The following PCBP3 variants were observed in gnomAD, a reference collection of about 807,000 sequenced individuals.
PCBP3 encodes the protein poly(rC) binding protein 3.
Under a neutral mutation model 52.7 loss-of-function variants are expected in PCBP3, and 25 were observed. The ratio of observed to expected loss-of-function variants is 0.47; its 90% CI spans 0.35 to 0.66. The LOEUF (loss-of-function observed/expected upper bound fraction) is 0.66. PCBP3 is among the 30% of genes least tolerant of loss of function. The probability of loss-of-function intolerance (pLI) is 0.01; values close to 1 mark genes in which losing one functional copy is unlikely to be tolerated. For missense variants in PCBP3, 391 were observed against 490.3 expected, an observed-to-expected ratio of 0.80 and a Z score of 1.91; for synonymous variants, 162 against 183.0, an observed-to-expected ratio of 0.89 and a Z score of 0.93.
chr21:45,769,746 A>G (rs2089698149), intron 4 of PCBP3, among the ~76,000 whole-genome samples: 1 of 152,236 alleles, frequency 6.6e-6, no homozygotes, highest in Non-Finnish European at 1.5e-5. Context: ...TCTCGTAGGC[A>G]GGCCTCTGGA....
Position 45,941,637 on chromosome 21 carries a change from C to T in PCBP3, c.1080-33C>T, listed in dbSNP as rs373692173. 32 of 1,595,012 alleles carry T rather than the reference C, an allele frequency of 2.0e-5. No homozygotes were observed. The African/African-American group carries it at 2.4e-4, about 12-fold the overall frequency. ...CACTGATGAGGGCGTTGGTTGTGAC[C>T]GTCTCTCCCTCTCCTGCCTTTGTCT... is the stretch of plus-strand genomic sequence containing the variant. On this transcript the variant is annotated intron_variant, in intron 17 of 17. Coordinates refer to ENST00000681687, the MANE Select transcript of PCBP3 (RefSeq NM_001384156.1).
intron 5 of PCBP3, among the ~76,000 whole-genome samples, chr21:45,861,359 C>T (rs1194954598): frequency 6.6e-6 from 1 of 152,208 alleles, no homozygotes; most frequent in Admixed American, 6.5e-5. Flanking sequence ...GTGAACACCA[C>T]AGGCCCACCC....
At position 45,800,009 on chromosome 21, in the gene PCBP3, A is replaced by G. The variant is rs1357194525; in HGVS notation, c.-126+44557A>G. ...GACAGCTGTCGGGGAGGGTCCTCTC[A>G]GCTCCCGCGCCCTCTGCCCACAGCT... On this transcript the variant is annotated intron_variant, in intron 4 of 17. Coordinates refer to ENST00000681687, the MANE Select transcript of PCBP3 (RefSeq NM_001384156.1). This position sits in a 1 kb window ranked among gnomAD's most constrained non-coding sequence, Gnocchi z 5.3. Among the ~76,000 whole-genome samples, 1 of 152,020 alleles carries G rather than the reference A, an allele frequency of 6.6e-6. No individual in the cohort carries two copies. The highest frequency in any genetic ancestry group is 2.4e-5 in the African/African-American group (1 of 41,378).
chr21:45,865,631 C>T (rs891451597), intron 5 of PCBP3, among the ~76,000 whole-genome samples: 2 of 152,202 alleles, frequency 1.3e-5, no homozygotes, highest in African/African-American at 4.8e-5. Flanking sequence ...CCTCTGGGTC[C>T]TGACTCATTT....
chr21:45,808,402 A>G (rs183909745), intron 4 of PCBP3, among the ~76,000 whole-genome samples: 26 of 152,388 alleles, frequency 1.7e-4, no homozygotes, highest in Non-Finnish European at 1.0e-4. Flanking sequence ...TCACTTCTCA[A>G]AAGAAGACAT....
At chr21:45,877,676 C>T (rs899271082) in intron 5 of PCBP3, among the ~76,000 whole-genome samples, 1 of 152,154 alleles carries the variant, frequency 6.6e-6, no homozygotes. Flanking sequence ...GTGATGGTGG[C>T]ACGCCTGTAG....
At chr21:45,688,772 G>A (rs1390471835) in intron 2 of PCBP3, among the ~76,000 whole-genome samples, 3 of 151,636 alleles carry the variant, frequency 2.0e-5, no homozygotes, top group Non-Finnish European at 4.4e-5. Context: ...TAGTGAAAAA[G>A]AAGACATCAT....
intron 3 of PCBP3, among the ~76,000 whole-genome samples, chr21:45,739,713 A>AC (rs1178526831): frequency 3.2e-5 from 2 of 63,182 alleles, no homozygotes; most frequent in East Asian, 4.8e-4. Context: ...TCATCAGCCC[A>AC]CCCTTCCTGT....
intron 6 of PCBP3, among the ~76,000 whole-genome samples, chr21:45,896,883 A>G (rs2095846963): frequency 7.2e-6 from 1 of 138,214 alleles, no homozygotes. Context: ...CGCGGCACAT[A>G]GAACCGGAGA....
chr21:45,713,468 G>C (rs536656866), intron 2 of PCBP3, among the ~76,000 whole-genome samples: 2 of 152,214 alleles, frequency 1.3e-5, no homozygotes, highest in Admixed American at 1.3e-4. Context: ...CACCTCGTCT[G>C]TCCATGCGGA....
chr21:45,669,786 ATT>A (rs1569097654), intron 2 of PCBP3, among the ~76,000 whole-genome samples: 1 of 84,528 alleles, frequency 1.2e-5, no homozygotes, highest in Middle Eastern at 6.4e-3. Context: ...ATAATATTCC[ATT>A]GTGTGTGTGT....
intron 13 of PCBP3, among the ~76,000 whole-genome samples, chr21:45,924,113 A>T (rs62213800): frequency 1.3e-4 from 4 of 29,646 alleles, no homozygotes; most frequent in African/African-American, 6.5e-4. Context: ...GGAACAGTCG[A>T]GTGGGTAGAA....
In PCBP3 at chr21:45,901,013, A is replaced by G. The variant is rs373743617; in HGVS notation, c.239A>G (p.Asn80Ser). 6.3e-5 allele frequency: 102 copies of G among 1,613,402 alleles called. No homozygotes were observed. The highest frequency in any genetic ancestry group is 8.2e-5 in the Non-Finnish European group (97 of 1,179,456). ...TCACCTTAGAGTGGTGCAAGGATCA[A>G]CATCTCAGAGGGAAACTGCCCAGAG... ...KMREESGARI[N>S]ISEGNCPERI... The change falls in exon 9 of 18, where the codon AAC becomes AGC. Residue 80 changes from asparagine (N) to serine (S), a missense_variant. Physicochemically the swap from Asn to Ser is conservative, Grantham distance 46 (BLOSUM62 1). Coordinates refer to ENST00000681687, the MANE Select transcript of PCBP3 (RefSeq NM_001384156.1).
chr21:45,910,907 A>G lies in PCBP3; in HGVS notation c.477A>G (p.Thr159=). 6.2e-7 allele frequency: 1 copy of G among 1,605,824 alleles called. No individual in the cohort carries two copies. Residue 159 remains threonine (T), a synonymous_variant, in exon 11 of 18, where the codon ACA becomes ACG. Coordinates refer to ENST00000681687, the MANE Select transcript of PCBP3 (RefSeq NM_001384156.1). ...GSKIKEIRES[T]GAQVQVAGDM... is the part of the protein sequence containing the mutation. ...CCAATGTCCCCTCTCTCCAGTCCAC[A>G]GGTGCCCAGGTGCAGGTGGCTGGGG...
intron 4 of PCBP3, among the ~76,000 whole-genome samples, chr21:45,808,867 G>A (rs941474869): frequency 2.6e-5 from 4 of 152,140 alleles, no homozygotes; most frequent in East Asian, 1.9e-4. Context: ...CCATAAAAAA[G>A]GATGAGTTCA....
chr21:45,767,537 C>T (rs999327054), intron 4 of PCBP3, among the ~76,000 whole-genome samples: 3 of 152,202 alleles, frequency 2.0e-5, no homozygotes, highest in Admixed American at 6.5e-5. Flanking sequence ...TTTTCAGTTC[C>T]TTAGGAGTGG....
intron 2 of PCBP3, among the ~76,000 whole-genome samples, chr21:45,725,777 G>A (rs1489240809): frequency 6.6e-6 from 1 of 152,114 alleles, no homozygotes; most frequent in Non-Finnish European, 1.5e-5. Context: ...GACTTTCGGA[G>A]GAGGAGGTGT....
intron 5 of PCBP3, among the ~76,000 whole-genome samples, chr21:45,860,671 G>A (rs186463039): frequency 5.9e-5 from 9 of 152,318 alleles, no homozygotes; most frequent in African/African-American, 1.7e-4. Context: ...AAGATCGTGC[G>A]AGGCTGCGTG....
rs570734307 is a variant in PCBP3 at position 45,666,798 on chromosome 21, G to C, written c.-278-2076G>C. Among the ~76,000 whole-genome samples, 25 of 151,590 alleles carry C rather than the reference G, an allele frequency of 1.6e-4. No homozygotes were observed. The South Asian group carries it at 4.8e-3, about 29-fold the overall frequency. On this transcript the variant is annotated intron_variant, in intron 1 of 17. Coordinates refer to ENST00000681687, the MANE Select transcript of PCBP3 (RefSeq NM_001384156.1). ...ACTGGTGTGTAATAGCGCGATCTCA[G>C]CTCACTGCAACCTATGCCTTCCGGG...
Sources: allele counts gnomAD v4.1 joint callset (sites outside exome capture counted in the v4.1 genomes callset), GRCh38; gene constraint gnomAD v4.1.1; non-coding constraint Gnocchi (gnomAD v3.1); transcripts MANE v1.5; gene names NCBI Gene and HGNC (gene_info 2026-07-23, HGNC 2026-07-21).